The following KCNIP4 variants were observed in gnomAD, a reference collection of about 807,000 sequenced individuals.
The protein encoded by KCNIP4 is Kv channel-interacting protein 4.
In KCNIP4, 12 loss-of-function variants were observed where a neutral mutation model predicts 34.0. That is an observed-to-expected ratio of 0.35 (90% confidence interval 0.23 to 0.57). KCNIP4 has a LOEUF of 0.57. Among genes scored for constraint, KCNIP4 ranks in the 20% least tolerant of loss-of-function variants. The pLI is 0.83. For synonymous variants in KCNIP4, 124 were observed against 102.2 expected (o/e 1.21, Z -1.29); for missense variants, 238 against 311.7 (o/e 0.76, Z 1.78).
intron 1 of KCNIP4, among the ~76,000 whole-genome samples, chr4:21,217,347 C>T (rs7659595): frequency 0.22 from 33,462 of 152,078 alleles, 4,172 homozygotes; most frequent in South Asian, 0.43. Context: ...TCAAAGAAGT[C>T]TACATGGTCG....
intron 1 of KCNIP4, among the ~76,000 whole-genome samples, chr4:21,031,274 T>C (rs1002587601): frequency 1.3e-5 from 2 of 152,238 alleles, no homozygotes; most frequent in African/African-American, 4.8e-5. Flanking sequence ...TAATTTTTTA[T>C]TTGAGATCCA....
chr4:20,850,471 C>T lies in KCNIP4; in HGVS notation c.288+72G>A, dbSNP rs772998802. 3.3e-6 allele frequency: 5 copies of T among 1,503,996 alleles called. No homozygotes were observed. The South Asian group carries it at 4.7e-5, about 14-fold the overall frequency. 93.2% of individuals were successfully genotyped at this position (1,503,996 alleles called of 1,614,324 possible). The stretch of plus-strand genomic sequence containing the variant: ...GGCTCTCATAGAATGGGATATTTTC[C>T]CCCTTTTCCTCTCATTTCTCAATGC... On this transcript the variant is annotated intron_variant, in intron 3 of 8. Transcript: ENST00000382152.
intron 1 of KCNIP4, among the ~76,000 whole-genome samples, chr4:20,914,693 T>C (rs139636717): frequency 2.4e-4 from 36 of 152,340 alleles, no homozygotes; most frequent in African/African-American, 7.5e-4. Flanking sequence ...CAGGGTCTAA[T>C]TGAAGTCACT....
At chr4:21,239,419 A>G (rs573617611) in intron 1 of KCNIP4, among the ~76,000 whole-genome samples, 476 of 151,736 alleles carry the variant, frequency 3.1e-3, no homozygotes, top group African/African-American at 0.011. Flanking sequence ...AAAAGAAACT[A>G]CCATCAGAGT....
intron 1 of KCNIP4, among the ~76,000 whole-genome samples, chr4:21,753,769 A>T (rs1158342513): frequency 1.3e-5 from 2 of 152,306 alleles, no homozygotes; most frequent in Non-Finnish European, 2.9e-5. Flanking sequence ...TTATTGAAGC[A>T]TCATGCCTTT....
chr4:21,018,601 C>A (rs758121046), intron 1 of KCNIP4, among the ~76,000 whole-genome samples: 1 of 152,132 alleles, frequency 6.6e-6, no homozygotes, highest in Non-Finnish European at 1.5e-5. Flanking sequence ...GATTGCTGAA[C>A]CTATTGACAC....
chr4:21,468,616 T>C (rs952664710), intron 1 of KCNIP4, among the ~76,000 whole-genome samples: 4 of 152,122 alleles, frequency 2.6e-5, no homozygotes, highest in Non-Finnish European at 5.9e-5. Flanking sequence ...GCCACATGCC[T>C]TATAGGATTT....
At chr4:21,542,768 A>C (rs1381164216) in intron 1 of KCNIP4, among the ~76,000 whole-genome samples, 1 of 151,340 alleles carries the variant, frequency 6.6e-6, no homozygotes, top group African/African-American at 2.4e-5. Flanking sequence ...AGAAATTTTT[A>C]CAAGAAGTAA....
intron 3 of KCNIP4, among the ~76,000 whole-genome samples, chr4:20,769,267 T>C (rs1755667726): frequency 1.3e-5 from 2 of 152,170 alleles, no homozygotes; most frequent in Admixed American, 6.6e-5. Flanking sequence ...ATTGTACTTA[T>C]TTTTACTATT....
At chr4:20,751,360 T>A (rs1396275932) in intron 4 of KCNIP4, among the ~76,000 whole-genome samples, 1 of 152,170 alleles carries the variant, frequency 6.6e-6, no homozygotes, top group Non-Finnish European at 1.5e-5. Flanking sequence ...TTAATTACCA[T>A]AAACTTAGTT....
chr4:21,564,421 TGGA>T (rs1739682333), intron 1 of KCNIP4, among the ~76,000 whole-genome samples: 1 of 152,092 alleles, frequency 6.6e-6, no homozygotes, highest in Admixed American at 6.6e-5. Context: ...ACTCACACAT[TGGA>T]GGAGGACTAA....
intron 1 of KCNIP4, among the ~76,000 whole-genome samples, chr4:21,405,389 TA>T (rs1188855248): frequency 6.6e-6 from 1 of 152,134 alleles, no homozygotes; most frequent in African/African-American, 2.4e-5. Flanking sequence ...GTCTTTAACA[TA>T]ACTAAACAAA....
chr4:20,992,350 T>G (rs1737150342), intron 1 of KCNIP4, among the ~76,000 whole-genome samples: 1 of 152,090 alleles, frequency 6.6e-6, no homozygotes, highest in South Asian at 2.1e-4. Flanking sequence ...ACTCACTCAT[T>G]ATCATGAGAA....
intron 1 of KCNIP4, among the ~76,000 whole-genome samples, chr4:21,396,753 C>A (rs1376016350): frequency 1.3e-5 from 2 of 151,828 alleles, no homozygotes; most frequent in Admixed American, 1.3e-4. Flanking sequence ...ATGGTGAAAG[C>A]AGTGTTGGAG....
At chr4:20,883,520 C>G (rs1724948268) in intron 1 of KCNIP4, among the ~76,000 whole-genome samples, 1 of 152,096 alleles carries the variant, frequency 6.6e-6, no homozygotes, top group African/African-American at 2.4e-5. Context: ...TCCAAGTCAG[C>G]ATCAATTTAC....
intron 1 of KCNIP4, among the ~76,000 whole-genome samples, chr4:20,964,513 C>G (rs1306507160): frequency 1.3e-5 from 2 of 152,128 alleles, no homozygotes; most frequent in Non-Finnish European, 2.9e-5. Context: ...GCAAGATCGT[C>G]TTTTTTGGGG....
At chr4:21,019,735 A>G (rs1373216763) in intron 1 of KCNIP4, among the ~76,000 whole-genome samples, 4 of 152,180 alleles carry the variant, frequency 2.6e-5, no homozygotes. Flanking sequence ...ATTAAAAAAA[A>G]TCCTCCCAAT....
intron 1 of KCNIP4, among the ~76,000 whole-genome samples, chr4:21,798,586 G>GAA (rs34338129): frequency 0.021 from 1,211 of 58,970 alleles, 23 homozygotes; most frequent in African/African-American, 0.045. Context: ...AAGAAAGAAA[G>GAA]AGAAAAAATG....
At chr4:20,745,888 C>T (rs990565949) in intron 5 of KCNIP4, among the ~76,000 whole-genome samples, 4 of 152,144 alleles carry the variant, frequency 2.6e-5, no homozygotes, top group Non-Finnish European at 5.9e-5. Flanking sequence ...AATGAGATGA[C>T]CAATGTCATT....
Sources: allele counts gnomAD v4.1 joint callset (sites outside exome capture counted in the v4.1 genomes callset), GRCh38; gene constraint gnomAD v4.1.1; transcripts MANE v1.5; gene names NCBI Gene and HGNC (gene_info 2026-07-23, HGNC 2026-07-21).